SHF: variants seen among roughly 807,000 people sequenced by gnomAD.
The protein encoded by SHF is Src homology 2 domain containing F, also known as SH2 domain-containing adapter protein F.
Under a neutral mutation model 42.4 loss-of-function variants are expected in SHF, and 30 were observed. That is an observed-to-expected ratio of 0.71 (90% CI 0.53 to 0.96). The LOEUF (loss-of-function observed/expected upper bound fraction) is 0.96, where lower values mean the gene tolerates loss of function less well. SHF is among the 40% of genes least tolerant of loss of function. The probability of loss-of-function intolerance (pLI) is 0.00; values close to 1 mark genes in which losing one functional copy is unlikely to be tolerated. For synonymous variants in SHF, 264 were observed against 269.9 expected (o/e 0.98, Z 0.21); for missense variants, 598 against 634.0 (o/e 0.94, Z 0.61).
At chr15:45,194,413 G>A (rs935256406) in intron 2 of SHF, among the ~76,000 whole-genome samples, 7 of 151,542 alleles carry the variant, frequency 4.6e-5, no homozygotes, top group Non-Finnish European at 1.0e-4. Flanking sequence ...GTGCAGTGGC[G>A]CGATCTTGGC....
intron 1 of SHF, among the ~76,000 whole-genome samples, chr15:45,178,828 C>T (rs7168234): frequency 1.3e-5 from 2 of 152,302 alleles, no homozygotes; most frequent in Non-Finnish European, 2.9e-5. Flanking sequence ...CCACCGCGCC[C>T]GGCCCCAAGT....
At chr15:45,200,679 G>T (rs368470885) in intron 1 of SHF, 1 of 454,940 alleles carries the variant, frequency 2.2e-6, no homozygotes, top group African/African-American at 2.0e-5. Flanking sequence ...CACCAGACAC[G>T]GTGGCCGATT....
upstream of SHF, among the ~76,000 whole-genome samples, chr15:45,191,865 G>T (rs1595644909): frequency 6.6e-6 from 1 of 150,980 alleles, no homozygotes; most frequent in East Asian, 1.9e-4. Context: ...GAGGTGGGCG[G>T]ATCACTTGAA....
chr15:45,200,453 A>G (rs1899047567), intron 1 of SHF: 4 of 254,736 alleles, frequency 1.6e-5, no homozygotes, highest in Admixed American at 8.7e-5. Context: ...TGCGGCCACA[A>G]CGCAGAGTAC....
Position 45,167,895 on chromosome 15 carries a change from G to A in SHF, c.*52C>T. The A allele has an allele frequency of 1.4e-6, 2 of 1,427,482 alleles. No homozygotes were observed. The highest frequency in any genetic ancestry group is 2.6e-5 in the East Asian group (1 of 39,074). 88.4% of individuals were successfully genotyped at this position (1,427,482 alleles called of 1,614,324 possible). A position where few individuals can be genotyped will look rare whatever the true frequency, so the allele number is the denominator to read the frequency against. ...GGCAAGAGCCACAGCCCTCAGCCAG[G>A]TGATGGGCACAGGGCTGGGTACAGG... On this transcript the variant is annotated 3_prime_UTR_variant, in exon 7 of 7. Transcript: ENST00000690270.
intron 6 of SHF, chr15:45,170,687 G>A: frequency 3.7e-6 from 1 of 267,734 alleles, no homozygotes; most frequent in Non-Finnish European, 6.8e-6. Context: ...TCTTGCTGTT[G>A]TTGGCCTGGG....
At chr15:45,198,996 C>T (rs1418330282) in exon 2 of SHF, 1 of 1,612,028 alleles carries the variant, frequency 6.2e-7, no homozygotes, top group East Asian at 2.2e-5. Context: ...TTCCTATGCC[C>T]CGGAGACCCT....
intron 1 of SHF, among the ~76,000 whole-genome samples, chr15:45,182,375 T>C (rs1898174323): frequency 6.6e-6 from 1 of 152,240 alleles, no homozygotes; most frequent in Non-Finnish European, 1.5e-5. Flanking sequence ...ATGGTAATAG[T>C]ACCCATATCA....
chr15:45,192,241 G>GT (rs1301800255), upstream of SHF, among the ~76,000 whole-genome samples: 18 of 137,724 alleles, frequency 1.3e-4, no homozygotes, highest in Non-Finnish European at 2.5e-4. Context: ...GTCTTTTATA[G>GT]TTTTTTTCTT....
At chr15:45,176,154 T>C (rs1056564421) in intron 2 of SHF, among the ~76,000 whole-genome samples, 4 of 152,206 alleles carry the variant, frequency 2.6e-5, no homozygotes, top group Admixed American at 2.6e-4. Flanking sequence ...ACAGAATTAT[T>C]CTTTGCTGCC....
chr15:45,194,394 C>G (rs1898802888), intron 2 of SHF, among the ~76,000 whole-genome samples: 1 of 151,894 alleles, frequency 6.6e-6, no homozygotes, highest in South Asian at 2.1e-4. Flanking sequence ...CTCTGTCGCC[C>G]AGGCTGGAGT....
chr15:45,176,479 T>A (rs1241508498), intron 2 of SHF, among the ~76,000 whole-genome samples: 2 of 151,872 alleles, frequency 1.3e-5, no homozygotes, highest in African/African-American at 2.4e-5. Flanking sequence ...GCAAAGACTT[T>A]CTTTCTGATC....
chr15:45,176,109 C>G (rs1897794581), intron 2 of SHF, among the ~76,000 whole-genome samples: 1 of 152,124 alleles, frequency 6.6e-6, no homozygotes, highest in Non-Finnish European at 1.5e-5. Context: ...CATTAGCCAC[C>G]ACACCCAGCC....
Position 45,187,506 on chromosome 15 carries a change from G to A in SHF, c.446C>T (p.Pro149Leu). Residue 149 changes from proline to leucine, a missense_variant, in exon 1 of 7, where the codon CCG becomes CTG. Physicochemically the swap from Pro to Leu is moderately conservative, Grantham distance 98 (BLOSUM62 -3). This residue lies in a region of SHF where 439 missense variants were observed against 524.6 expected (regional missense o/e 0.84). Coordinates refer to ENST00000690270, the MANE Select transcript of SHF (RefSeq NM_001394037.1). ...GATCCGCTCATCAGCAGGCGGCGCCGGGGGCCCCGGGGTCTCGACCCGAAT... is the reference window on the plus strand; with the variant it reads ...GATCCGCTCATCAGCAGGCGGCGCCAGGGGCCCCGGGGTCTCGACCCGAAT... ...RLIRVETPGPPAPPADERISG... is the reference protein window; with the variant it reads ...RLIRVETPGPLAPPADERISG... The A allele has an allele frequency of 8.1e-7, 1 of 1,231,966 alleles. No individual in the cohort carries two copies. The highest frequency in any genetic ancestry group is 1.0e-6 in the Non-Finnish European group (1 of 987,684). 76.3% of individuals were successfully genotyped at this position (1,231,966 alleles called of 1,614,324 possible).
intron 2 of SHF, among the ~76,000 whole-genome samples, chr15:45,195,889 C>T (rs1327567931): frequency 6.6e-6 from 1 of 152,188 alleles, no homozygotes; most frequent in African/African-American, 2.4e-5. Context: ...CTGTCCATAA[C>T]CTTGAGAGGA....
rs560712337 is a variant in SHF at position 45,177,101 on chromosome 15, AG to A, written c.640+1063del. Among the ~76,000 whole-genome samples, 431 of 152,304 alleles carry A rather than the reference AG, an allele frequency of 2.8e-3. 3 individuals are homozygous for A. In the Middle Eastern group the frequency reaches 0.031, roughly 11 times the overall value. ...GCCTCCCTTACCACCTCTCCCAAGT[AG>A]GAAGAGCAGTTTATTGTATTGGTCA... On this transcript the variant is annotated intron_variant, in intron 2 of 6. Transcript: ENST00000690270.
Position 45,178,240 on chromosome 15 carries a change from C to G in SHF, c.565G>C (p.Ala189Pro). The change falls in exon 2 of 7, where the codon GCT becomes CCT. Residue 189 changes from alanine to proline, a missense_variant. Physicochemically the swap from Ala to Pro is conservative, Grantham distance 27. Transcript: ENST00000690270. ...VQETGEGSAG[A>P]SGAPEKVPEN... is the part of the protein sequence containing the mutation. ...GGGACCTTCTCTGGGGCTCCTGAAG[C>G]TCCTGCTGAGCCTTCGCCAGTCTCC... The G allele has an allele frequency of 6.2e-7, 1 of 1,613,994 alleles. No homozygotes were observed. Among genetic ancestry groups the G allele is most frequent in the Non-Finnish European group, 8.5e-7 (1 of 1,179,900 alleles).
At chr15:45,185,027 G>GC (rs1226733214) in intron 1 of SHF, among the ~76,000 whole-genome samples, 1 of 152,218 alleles carries the variant, frequency 6.6e-6, no homozygotes, top group African/African-American at 2.4e-5. Flanking sequence ...GTTCTCTCCT[G>GC]CCCCCATACT....
intron 1 of SHF, chr15:45,199,232 ACTC>A: frequency 2.4e-6 from 2 of 822,730 alleles, no homozygotes; most frequent in Non-Finnish European, 3.6e-6. Context: ...ACTCCTCCTG[ACTC>A]CTCCTTCCGC....
Sources: allele counts gnomAD v4.1 joint callset (sites outside exome capture counted in the v4.1 genomes callset), GRCh38; gene constraint gnomAD v4.1.1; regional missense constraint gnomAD v4.1.1; transcripts MANE v1.5; gene names NCBI Gene and HGNC (gene_info 2026-07-23, HGNC 2026-07-21).